GPHN: variants seen among roughly 807,000 people sequenced by gnomAD.
GPHN encodes the protein gephyrin.
In GPHN, 17 loss-of-function variants were observed where a neutral mutation model predicts 95.5. The ratio of observed to expected loss-of-function variants is 0.18; its 90% CI spans 0.12 to 0.27. The LOEUF is 0.27. Ranked by LOEUF, GPHN falls within the 10% of genes least tolerant of loss-of-function variation. The probability of loss-of-function intolerance (pLI) is 1.00; values close to 1 mark genes in which losing one functional copy is unlikely to be tolerated. For synonymous variants in GPHN, 320 were observed against 322.5 expected (o/e 0.99, Z 0.08); for missense variants, 660 against 978.1 (o/e 0.67, Z 4.34).
chr14:67,056,893 C>T (rs560555599), intron 10 of GPHN, among the ~76,000 whole-genome samples: 13 of 152,288 alleles, frequency 8.5e-5, no homozygotes, highest in African/African-American at 1.2e-4. Context: ...AGCGAGAATT[C>T]GAGCGGGCGC....
intron 1 of GPHN, among the ~76,000 whole-genome samples, chr14:66,529,633 A>G (rs535977805): frequency 2.6e-5 from 4 of 152,128 alleles, no homozygotes; most frequent in Non-Finnish European, 4.4e-5. Context: ...TTTTGGTGAC[A>G]TTCAGAAGGG....
At chr14:67,423,587 G>A in the GPHN span, among the ~76,000 whole-genome samples, 2 of 152,132 alleles carry the variant, frequency 1.3e-5, no homozygotes, top group East Asian at 1.9e-4. Flanking sequence ...CATAGGAAAG[G>A]GGAAGTGGTA....
At chr14:67,304,534 C>G in the GPHN span, among the ~76,000 whole-genome samples, 9 of 152,238 alleles carry the variant, frequency 5.9e-5, no homozygotes, top group Admixed American at 5.9e-4. Context: ...CGAAGGAAGC[C>G]AGTCACAAAA....
intron 1 of GPHN, among the ~76,000 whole-genome samples, chr14:66,583,261 G>A (rs2061273516): frequency 6.6e-6 from 1 of 152,110 alleles, no homozygotes; most frequent in Non-Finnish European, 1.5e-5. Flanking sequence ...ATTTGTTTGA[G>A]TTCATTGAAG....
chr14:67,374,919 A>G, the GPHN span, among the ~76,000 whole-genome samples: 1 of 152,130 alleles, frequency 6.6e-6, no homozygotes, highest in South Asian at 2.1e-4. Context: ...ACAGTTCTTG[A>G]TTTTCAACCC....
At chr14:67,137,356 A>G (rs1337748163) in intron 17 of GPHN, among the ~76,000 whole-genome samples, 1 of 151,812 alleles carries the variant, frequency 6.6e-6, no homozygotes, top group East Asian at 2.0e-4. Context: ...CATGTTAACC[A>G]GAATGGTCCC....
At position 66,508,619 on chromosome 14, in the gene GPHN, A is replaced by G. The variant is rs772820328; in HGVS notation, c.64+28A>G. ...AACCGGGGGAGGAGGTCTGGGACCTATGAGGCTGCTGTCCCTGCATTGCCT... is the reference window on the plus strand; with the variant it reads ...AACCGGGGGAGGAGGTCTGGGACCTGTGAGGCTGCTGTCCCTGCATTGCCT... On this transcript the variant is annotated intron_variant, in intron 1 of 22. Coordinates refer to ENST00000478722, the MANE Select transcript of GPHN (RefSeq NM_020806.5). 3.8e-6 allele frequency: 6 copies of G among 1,578,760 alleles called. No individual in the cohort carries two copies. In the African/African-American group the frequency reaches 6.7e-5, roughly 18 times the overall value.
At chr14:66,610,606 G>A (rs566211141) in intron 1 of GPHN, among the ~76,000 whole-genome samples, 1 of 152,130 alleles carries the variant, frequency 6.6e-6, no homozygotes, top group South Asian at 2.1e-4. Context: ...CATTGAAATA[G>A]ACAATAATTG....
At chr14:66,632,945 T>G (rs531868789) in intron 1 of GPHN, among the ~76,000 whole-genome samples, 1 of 152,348 alleles carries the variant, frequency 6.6e-6, no homozygotes, top group Non-Finnish European at 1.5e-5. Context: ...CCATCCAGTT[T>G]GGTCTGCTTA....
intron 1 of GPHN, among the ~76,000 whole-genome samples, chr14:66,658,392 T>C (rs944788400): frequency 6.6e-6 from 1 of 152,154 alleles, no homozygotes; most frequent in East Asian, 1.9e-4. Context: ...AGTGGCAGGA[T>C]CTGTGAGGAT....
chr14:67,016,308 CTT>C (rs1474866742), intron 9 of GPHN, among the ~76,000 whole-genome samples: 2 of 151,752 alleles, frequency 1.3e-5, no homozygotes, highest in Non-Finnish European at 2.9e-5. Flanking sequence ...ATCAAAATAA[CTT>C]TTAAAACAAA....
At chr14:67,043,894 A>G (rs746801626) in intron 10 of GPHN, among the ~76,000 whole-genome samples, 2 of 152,156 alleles carry the variant, frequency 1.3e-5, no homozygotes, top group Non-Finnish European at 2.9e-5. Flanking sequence ...TACTGCCTCA[A>G]TTTCAGAACT....
At chr14:67,220,335 C>T in the GPHN span, among the ~76,000 whole-genome samples, 1 of 151,862 alleles carries the variant, frequency 6.6e-6, no homozygotes, top group African/African-American at 2.4e-5. Flanking sequence ...CCCAGTTACT[C>T]AGGAGGCTGA....
chr14:66,760,671 G>A (rs910156419), intron 2 of GPHN: 8 of 425,010 alleles, frequency 1.9e-5, no homozygotes, highest in Non-Finnish European at 2.2e-5. Context: ...CATAATCCTC[G>A]CAAAGTTAGG....
the GPHN span, chr14:67,203,068 C>A: frequency 3.1e-6 from 5 of 1,603,762 alleles, no homozygotes; most frequent in Non-Finnish European, 4.3e-6. Context: ...CATCATATAA[C>A]GCCTTTTCCT....
the GPHN span, chr14:67,359,740 C>G: frequency 1.9e-6 from 3 of 1,612,500 alleles, no homozygotes; most frequent in Non-Finnish European, 2.5e-6. Context: ...GCCGGGCAAC[C>G]GAGGCTGCAA....
chr14:67,066,912 C>A (rs553689566), intron 11 of GPHN, among the ~76,000 whole-genome samples: 1 of 152,188 alleles, frequency 6.6e-6, no homozygotes, highest in East Asian at 1.9e-4. Flanking sequence ...TATTACGGAC[C>A]TTCTGAAGCC....
the GPHN span, among the ~76,000 whole-genome samples, chr14:67,534,285 AG>A: frequency 3.9e-4 from 60 of 152,260 alleles, 1 homozygote; most frequent in Admixed American, 2.9e-3. Flanking sequence ...GACTCTGAAA[AG>A]TTGTGATTTA....
intron 6 of GPHN, among the ~76,000 whole-genome samples, chr14:66,921,863 AC>A (rs2066235404): frequency 6.6e-6 from 1 of 152,186 alleles, no homozygotes; most frequent in African/African-American, 2.4e-5. Context: ...AAAAATAGGC[AC>A]ATAGATCAAT....
Sources: gnomAD v4.1 joint callset for allele counts (sites outside exome capture counted in the v4.1 genomes callset) on GRCh38, gnomAD v4.1.1 for gene constraint, MANE v1.5 for transcripts, NCBI Gene and HGNC (gene_info 2026-07-23, HGNC 2026-07-21) for gene names.